Variants in TAFA5 observed in about 807,000 individuals in gnomAD.
The protein encoded by TAFA5 is TAFA chemokine like family member 5.
In TAFA5, 6 loss-of-function variants were observed where a neutral mutation model predicts 15.3. That is an observed-to-expected ratio of 0.39 (90% confidence interval 0.21 to 0.77). The LOEUF (loss-of-function observed/expected upper bound fraction) is 0.77, where lower values mean the gene tolerates loss of function less well. Among genes scored for constraint, TAFA5 ranks in the 30% least tolerant of loss-of-function variants. The pLI is 0.41. For missense variants in TAFA5, 161 were observed against 193.1 expected (o/e 0.83, Z 0.98); for synonymous variants, 103 against 80.7 (o/e 1.28, Z -1.48).
intron 2 of TAFA5, chr22:48,693,296 T>C: frequency 6.2e-7 from 1 of 1,603,484 alleles, no homozygotes. Context: ...CTCCCAGAAA[T>C]TTGCCCTAAG....
intron 1 of TAFA5, among the ~76,000 whole-genome samples, chr22:48,617,151 C>G (rs1407292633): frequency 6.6e-6 from 1 of 151,772 alleles, no homozygotes. Flanking sequence ...GAGGGTCTTG[C>G]AGATGTGATT....
chr22:48,591,709 A>G (rs1924573880), intron 1 of TAFA5, among the ~76,000 whole-genome samples: 1 of 151,906 alleles, frequency 6.6e-6, no homozygotes. Flanking sequence ...AGCTGGCCTG[A>G]GGGAGGGGCC....
chr22:48,656,003 T>C (rs976685159), intron 2 of TAFA5, among the ~76,000 whole-genome samples: 5 of 137,204 alleles, frequency 3.6e-5, no homozygotes, highest in African/African-American at 1.4e-4. Context: ...TACACCCGGC[T>C]AATTTTTTTT....
intron 2 of TAFA5, among the ~76,000 whole-genome samples, chr22:48,683,408 G>A (rs983972532): frequency 1.3e-5 from 2 of 152,238 alleles, no homozygotes; most frequent in African/African-American, 4.8e-5. Context: ...TAACAGCCCA[G>A]TGCTCAGTTG....
intron 3 of TAFA5, among the ~76,000 whole-genome samples, chr22:48,729,263 T>TTTTATATTTATTTATAAATATATAA (rs1929792149): frequency 1.4e-5 from 2 of 143,496 alleles, no homozygotes; most frequent in African/African-American, 5.0e-5. Flanking sequence ...TATATAATAA[T>TTTTATATTTATTTATAAATATATAA]TTTATATTTA....
chr22:48,540,267 G>A (rs575180016), intron 1 of TAFA5, among the ~76,000 whole-genome samples: 3 of 152,228 alleles, frequency 2.0e-5, no homozygotes, highest in Admixed American at 6.5e-5. Flanking sequence ...GAAGGGACCC[G>A]TGGGCTGAAG....
chr22:48,726,817 C>T (rs1156729922), intron 3 of TAFA5, among the ~76,000 whole-genome samples: 2 of 152,246 alleles, frequency 1.3e-5, no homozygotes, highest in African/African-American at 2.4e-5. Flanking sequence ...AAGCAGGCTC[C>T]ACCTGGCACT....
chr22:48,711,266 G>A (rs1929244241), intron 3 of TAFA5, among the ~76,000 whole-genome samples: 1 of 152,158 alleles, frequency 6.6e-6, no homozygotes, highest in Non-Finnish European at 1.5e-5. Flanking sequence ...GCTTTCCTGG[G>A]GGAGAGTGTG....
chr22:48,748,024 G>T (rs1930378486), intron 3 of TAFA5, among the ~76,000 whole-genome samples: 1 of 152,202 alleles, frequency 6.6e-6, no homozygotes, highest in Non-Finnish European at 1.5e-5. Flanking sequence ...GGAGCTGGGA[G>T]GTTTGGTTCT....
intron 1 of TAFA5, among the ~76,000 whole-genome samples, chr22:48,518,069 A>G (rs187374288): frequency 3.5e-4 from 54 of 152,322 alleles, no homozygotes; most frequent in Non-Finnish European, 6.6e-4. Flanking sequence ...AGTGGACTTC[A>G]AGGAAGAATC....
chr22:48,702,735 C>T (rs991180319), intron 2 of TAFA5, among the ~76,000 whole-genome samples: 1 of 152,260 alleles, frequency 6.6e-6, no homozygotes. Flanking sequence ...ACATTGCGAC[C>T]AGAGGGGAGG....
At chr22:48,528,328 G>C (rs1921851136) in intron 1 of TAFA5, among the ~76,000 whole-genome samples, 1 of 152,170 alleles carries the variant, frequency 6.6e-6, no homozygotes, top group South Asian at 2.1e-4. Context: ...CCACCTGGGT[G>C]CATCGTGTCT....
chr22:48,514,381 T>C (rs570784440), intron 1 of TAFA5, among the ~76,000 whole-genome samples: 1 of 152,224 alleles, frequency 6.6e-6, no homozygotes, highest in Non-Finnish European at 1.5e-5. Flanking sequence ...ATAAATTCAT[T>C]GAAAACCTGT....
At chr22:48,712,995 C>T (rs929606007) in intron 3 of TAFA5, among the ~76,000 whole-genome samples, 2 of 152,248 alleles carry the variant, frequency 1.3e-5, no homozygotes, top group Admixed American at 6.5e-5. Flanking sequence ...ATATTCTCAT[C>T]AGTGTTTGCT....
chr22:48,512,427 T>C (rs1324073256), intron 1 of TAFA5, among the ~76,000 whole-genome samples: 2 of 151,644 alleles, frequency 1.3e-5, no homozygotes, highest in Non-Finnish European at 2.9e-5. Context: ...GCCAACATGG[T>C]GAAACCCTGT....
At chr22:48,496,307 G>T (rs1375875991) in intron 1 of TAFA5, among the ~76,000 whole-genome samples, 2 of 146,352 alleles carry the variant, frequency 1.4e-5, no homozygotes, top group Non-Finnish European at 2.9e-5. Flanking sequence ...CACGGCATCT[G>T]CTGGGCAGTG....
intron 2 of TAFA5, among the ~76,000 whole-genome samples, chr22:48,677,106 T>C (rs887275429): frequency 1.4e-4 from 21 of 152,378 alleles, no homozygotes; most frequent in Admixed American, 1.2e-3. Flanking sequence ...ACAATTATCT[T>C]GGACATTCTC....
chr22:48,576,682 G>C (rs1923820374), intron 1 of TAFA5: 8 of 1,185,048 alleles, frequency 6.8e-6, no homozygotes, highest in African/African-American at 6.4e-5. Flanking sequence ...GCTCGGCTGA[G>C]GCTCGTGGAG....
At chr22:48,612,588 G>GCCCCACCTGTCTGCTGTT (rs1569047540) in intron 1 of TAFA5, among the ~76,000 whole-genome samples, 2 of 151,748 alleles carry the variant, frequency 1.3e-5, no homozygotes, top group African/African-American at 4.8e-5. Flanking sequence ...AGGTGCCCCC[G>GCCCCACCTGTCTGCTGTT]CCCCACCTGT....
Sources: allele counts gnomAD v4.1 joint callset (sites outside exome capture counted in the v4.1 genomes callset), GRCh38; gene constraint gnomAD v4.1.1; transcripts MANE v1.5; gene names NCBI Gene and HGNC (gene_info 2026-07-23, HGNC 2026-07-21).